ATG4A: variants seen among roughly 807,000 people sequenced by gnomAD.
ATG4A encodes cysteine protease ATG4A.
A neutral mutation model predicts 38.4 loss-of-function variants in ATG4A; 22 were observed. That is an observed-to-expected ratio of 0.57 (90% confidence interval 0.41 to 0.82). The LOEUF is 0.82. Ranked by LOEUF, ATG4A falls within the 40% of genes least tolerant of loss-of-function variation. The probability of loss-of-function intolerance (pLI) is 0.00; values close to 1 mark genes in which losing one functional copy is unlikely to be tolerated. For missense variants in ATG4A, 220 were observed against 290.0 expected (o/e 0.76, Z 1.75); for synonymous variants, 86 against 100.7 (o/e 0.85, Z 0.88).
intron 9 of ATG4A, among the ~76,000 whole-genome samples, chrX:108,140,919 CATATATACATATATATACAT>C (rs1214842429): frequency 7.1e-5 from 5 of 70,497 alleles, no homozygotes; most frequent in African/African-American, 1.5e-4. Flanking sequence ...TGTACATATA[CATATATACATATATATACAT>C]ATATATACAC....
intron 1 of ATG4A, among the ~76,000 whole-genome samples, chrX:108,101,642 T>A (rs1280393223): frequency 9.2e-6 from 1 of 109,152 alleles, no homozygotes; most frequent in Non-Finnish European, 1.9e-5. Context: ...AGTACAATAT[T>A]GTTAACTATA....
chrX:108,136,165 T>A (rs1411127811), intron 6 of ATG4A, among the ~76,000 whole-genome samples: 1 of 110,684 alleles, frequency 9.0e-6, no homozygotes, highest in Non-Finnish European at 1.9e-5. Flanking sequence ...TATTATTATA[T>A]TATTGTTATT....
At chrX:108,091,339 C>G (rs1569296627), upstream of ATG4A, 2 of 1,026,217 alleles carry the variant, frequency 1.9e-6, no homozygotes, top group Admixed American at 2.2e-5. Flanking sequence ...CCGCTAGGGC[C>G]GGGCCCCGAA....
At chrX:108,139,228 G>T (rs1555992829) in intron 9 of ATG4A, among the ~76,000 whole-genome samples, 2 of 111,816 alleles carry the variant, frequency 1.8e-5, no homozygotes, top group South Asian at 7.6e-4. Flanking sequence ...GACACACGTG[G>T]CTTTGCATGC....
intron 6 of ATG4A, among the ~76,000 whole-genome samples, chrX:108,134,647 C>G (rs940207173): frequency 8.9e-6 from 1 of 111,748 alleles, no homozygotes; most frequent in Non-Finnish European, 1.9e-5. Flanking sequence ...TGGCTGTATC[C>G]TAGGACTCAT....
At chrX:108,141,071 CATATATATATATATATATATATATAT>C (rs139918190) in intron 9 of ATG4A, among the ~76,000 whole-genome samples, 11 of 35,066 alleles carry the variant, frequency 3.1e-4, no homozygotes, top group East Asian at 8.3e-4. Flanking sequence ...TATATATATA[CATATATATATATATATATATATATAT>C]ATATATATAT....
intron 1 of ATG4A, among the ~76,000 whole-genome samples, chrX:108,098,118 C>T (rs746380205): frequency 8.9e-6 from 1 of 111,899 alleles, no homozygotes; most frequent in South Asian, 3.8e-4. Flanking sequence ...CCCAGGCCTT[C>T]GCCCCCTGAC....
chrX:108,098,294 A>C (rs1413448374), intron 1 of ATG4A, among the ~76,000 whole-genome samples: 3 of 112,061 alleles, frequency 2.7e-5, no homozygotes, highest in Non-Finnish European at 5.6e-5. Context: ...ATAATAAAGC[A>C]CTTTATATTT....
intron 1 of ATG4A, among the ~76,000 whole-genome samples, chrX:108,116,540 CAG>C (rs904752356): frequency 1.8e-5 from 2 of 111,941 alleles, no homozygotes; most frequent in African/African-American, 6.5e-5. Context: ...TTTTTTTTAA[CAG>C]AATTTAATTT....
At chrX:108,115,766 A>C (rs766805783) in intron 1 of ATG4A, among the ~76,000 whole-genome samples, 10 of 112,348 alleles carry the variant, frequency 8.9e-5, no homozygotes, top group Non-Finnish European at 1.7e-4. Flanking sequence ...ATCTAGGAGT[A>C]GACTCACTAG....
At chrX:108,122,142 C>T (rs773600545) in intron 1 of ATG4A, among the ~76,000 whole-genome samples, 1 of 112,290 alleles carries the variant, frequency 8.9e-6, no homozygotes, top group Non-Finnish European at 1.9e-5. Context: ...GATGAATTGA[C>T]TGAAATTCAT....
chrX:108,097,154 A>G (rs1052023863), intron 1 of ATG4A, among the ~76,000 whole-genome samples: 2 of 112,006 alleles, frequency 1.8e-5, no homozygotes, highest in Non-Finnish European at 3.8e-5. Context: ...AAAATGAGAA[A>G]ACAGGCACAG....
At chrX:108,090,519 G>T (rs1028126043), upstream of ATG4A, among the ~76,000 whole-genome samples, 3 of 112,124 alleles carry the variant, frequency 2.7e-5, no homozygotes, top group Non-Finnish European at 5.6e-5. Context: ...CCATTTTCAG[G>T]TTGAGTAATA....
intron 1 of ATG4A, among the ~76,000 whole-genome samples, chrX:108,098,644 C>T (rs1040302077): frequency 9.0e-6 from 1 of 111,336 alleles, no homozygotes; most frequent in East Asian, 2.8e-4. Context: ...CCTACCCCCA[C>T]CATTGATAAC....
At chrX:108,142,249 A>G (rs1249763731) in intron 9 of ATG4A, among the ~76,000 whole-genome samples, 2 of 110,604 alleles carry the variant, frequency 1.8e-5, no homozygotes, top group African/African-American at 3.3e-5. Flanking sequence ...TATACCAAAA[A>G]TACAAAAAAT....
At chrX:108,103,788 G>A (rs911153265) in intron 1 of ATG4A, among the ~76,000 whole-genome samples, 7 of 112,087 alleles carry the variant, frequency 6.2e-5, no homozygotes, top group African/African-American at 2.3e-4. Flanking sequence ...TTATGTTATC[G>A]ATGTCACAAA....
intron 1 of ATG4A, among the ~76,000 whole-genome samples, chrX:108,096,793 C>A (rs747232007): frequency 9.1e-6 from 1 of 110,389 alleles, no homozygotes; most frequent in African/African-American, 3.3e-5. Flanking sequence ...TTTTTGAAAG[C>A]TGCAAGATAA....
rs771847676 is a variant in ATG4A at position 108,134,082 on chromosome X, A to G, written c.318A>G (p.Glu106=). 1 of 1,204,059 alleles carries G rather than the reference A, an allele frequency of 8.3e-7. No homozygotes were observed. Among genetic ancestry groups the G allele is most frequent in the Non-Finnish European group, 1.1e-6 (1 of 893,531 alleles). The change falls in exon 5 of 13, where the codon GAA becomes GAG. Residue 106 remains glutamate (E), a synonymous_variant. Transcript: ENST00000372232. The part of the protein sequence containing the change: ...GRDWSWEKQK[E]QPKEYQRILQ... ...ACTGGAGCTGGGAGAAACAAAAAGA[A>G]CAACCCAAAGAATACCAACGCATCC...
intron 9 of ATG4A, among the ~76,000 whole-genome samples, chrX:108,148,689 G>A (rs1194489226): frequency 1.8e-5 from 2 of 111,334 alleles, no homozygotes; most frequent in Non-Finnish European, 3.8e-5. Flanking sequence ...CTTTCCCTCA[G>A]ACCTTTCTGT....
Sources: gnomAD v4.1 joint callset for allele counts (sites outside exome capture counted in the v4.1 genomes callset) on GRCh38, gnomAD v4.1.1 for gene constraint, MANE v1.5 for transcripts, NCBI Gene and HGNC (gene_info 2026-07-23, HGNC 2026-07-21) for gene names.